The following ZEB1 variants were observed in gnomAD, a reference collection of about 807,000 sequenced individuals.
ZEB1 encodes the protein zinc finger E-box binding homeobox 1.
Under a neutral mutation model 84.9 loss-of-function variants are expected in ZEB1, and 21 were observed. The ratio of observed to expected loss-of-function variants is 0.25; its 90% confidence interval spans 0.18 to 0.36. The LOEUF is 0.36. Ranked by LOEUF, ZEB1 falls within the 10% of genes least tolerant of loss-of-function variation. ZEB1 has a pLI of 1.00. For synonymous variants in ZEB1, 420 were observed against 471.1 expected (o/e 0.89, Z 1.41); for missense variants, 1,104 against 1,330.2 (o/e 0.83, Z 2.65).
chr10:31,332,223 A>T (rs1011867125), intron 1 of ZEB1, among the ~76,000 whole-genome samples: 2 of 152,218 alleles, frequency 1.3e-5, no homozygotes, highest in African/African-American at 4.8e-5. Flanking sequence ...TACTAGAAGC[A>T]TAAGCAGCCT....
At chr10:31,399,147 A>G (rs1421344406) in intron 1 of ZEB1, among the ~76,000 whole-genome samples, 2 of 152,144 alleles carry the variant, frequency 1.3e-5, no homozygotes, top group African/African-American at 4.8e-5. Flanking sequence ...GGCGTGTGCC[A>G]GCACACCTGG....
chr10:31,488,226 A>G (rs779969095), intron 2 of ZEB1, among the ~76,000 whole-genome samples: 2 of 151,058 alleles, frequency 1.3e-5, no homozygotes, highest in Non-Finnish European at 3.0e-5. Context: ...TAGGAGGAAG[A>G]TTTTCTAATT....
intron 1 of ZEB1, among the ~76,000 whole-genome samples, chr10:31,446,180 C>T (rs1292611372): frequency 6.6e-6 from 1 of 152,180 alleles, no homozygotes; most frequent in Non-Finnish European, 1.5e-5. Flanking sequence ...TCCATCTCTC[C>T]TAGATTTTCT....
intron 1 of ZEB1, among the ~76,000 whole-genome samples, chr10:31,354,349 T>C (rs1193887862): frequency 6.6e-6 from 1 of 152,204 alleles, no homozygotes; most frequent in Admixed American, 6.5e-5. Flanking sequence ...TTAAAGAATA[T>C]GTTCATGCAT....
chr10:31,364,173 C>G (rs2134218276), intron 1 of ZEB1, among the ~76,000 whole-genome samples: 1 of 152,316 alleles, frequency 6.6e-6, no homozygotes, highest in African/African-American at 2.4e-5. Flanking sequence ...CACTATGGGG[C>G]TGGTGACAGA....
chr10:31,505,674 A>G (rs1344471180), intron 4 of ZEB1, among the ~76,000 whole-genome samples: 1 of 151,290 alleles, frequency 6.6e-6, no homozygotes, highest in Non-Finnish European at 1.5e-5. Flanking sequence ...GTGGTTTATC[A>G]GTTTTGTTAC....
At chr10:31,404,837 A>C (rs1024598303) in intron 1 of ZEB1, among the ~76,000 whole-genome samples, 1 of 152,096 alleles carries the variant, frequency 6.6e-6, no homozygotes, top group Non-Finnish European at 1.5e-5. Context: ...ACTTCAGAGG[A>C]AGTAAGTGTT....
At chr10:31,333,100 C>T (rs892803674) in intron 1 of ZEB1, among the ~76,000 whole-genome samples, 2 of 152,078 alleles carry the variant, frequency 1.3e-5, no homozygotes, top group African/African-American at 4.8e-5. Context: ...TTTTACTGTA[C>T]TAATTTCAAA....
chr10:31,480,775 A>G (rs1007798395), intron 2 of ZEB1, among the ~76,000 whole-genome samples: 1 of 152,086 alleles, frequency 6.6e-6, no homozygotes, highest in Non-Finnish European at 1.5e-5. Flanking sequence ...TACAGTGTGT[A>G]TAGGTCTTTT....
At chr10:31,369,189 T>G (rs2045215694) in intron 1 of ZEB1, among the ~76,000 whole-genome samples, 2 of 152,210 alleles carry the variant, frequency 1.3e-5, no homozygotes, top group African/African-American at 4.8e-5. Context: ...AATTAACATA[T>G]CTGTCACCTC....
chr10:31,346,246 G>A (rs1352993163), intron 1 of ZEB1, among the ~76,000 whole-genome samples: 1 of 152,122 alleles, frequency 6.6e-6, no homozygotes, highest in Non-Finnish European at 1.5e-5. Context: ...CCTATGAACA[G>A]AACTATAGGA....
At chr10:31,402,417 G>A (rs1045993668) in intron 1 of ZEB1, among the ~76,000 whole-genome samples, 10 of 152,086 alleles carry the variant, frequency 6.6e-5, no homozygotes, top group African/African-American at 2.4e-4. Context: ...AGCTGTATGA[G>A]TGGGAGGAGA....
intron 1 of ZEB1, among the ~76,000 whole-genome samples, chr10:31,402,190 T>C (rs985406705): frequency 9.9e-5 from 15 of 151,670 alleles, no homozygotes; most frequent in Non-Finnish European, 1.9e-4. Flanking sequence ...GAGGAGGACA[T>C]AGGAAAAGTG....
At position 31,408,662 on chromosome 10, in the gene ZEB1, T is replaced by G. The variant is rs1252806274; in HGVS notation, c.59-52375T>G. On this transcript the variant is annotated intron_variant, in intron 1 of 8. Coordinates refer to ENST00000424869, the MANE Select transcript of ZEB1 (RefSeq NM_001174096.2). ...AATGGGGAAAGGATTCCCTATTTAA[T>G]AAATGGTGCTGGGAAAACTGGCTAG... 9.0e-5 allele frequency among the ~76,000 whole-genome samples: 13 copies of G among 144,658 alleles called. No individual in the cohort carries two copies. The South Asian group carries it at 2.4e-3, about 27-fold the overall frequency. The allele number at this position is 144,658 out of a possible 152,430, so 94.9% of individuals were successfully genotyped here. A position where few individuals can be genotyped will look rare whatever the true frequency, so the allele number is the denominator to read the frequency against.
chr10:31,523,862 A>C, intron 7 of ZEB1, 71 bp from the exon 8 acceptor site: 2 of 1,539,756 alleles, frequency 1.3e-6, no homozygotes, highest in Non-Finnish European at 1.8e-6. Flanking sequence ...TCTTTATCTC[A>C]TGCTTTTATG....
chr10:31,437,665 T>C (rs917067505), intron 1 of ZEB1, among the ~76,000 whole-genome samples: 3 of 152,212 alleles, frequency 2.0e-5, no homozygotes, highest in Non-Finnish European at 4.4e-5. Context: ...TAAGCCTTAC[T>C]TAGATTACTA....
chr10:31,479,796 A>G (rs898424586), intron 2 of ZEB1, among the ~76,000 whole-genome samples: 14 of 151,978 alleles, frequency 9.2e-5, no homozygotes, highest in African/African-American at 3.4e-4. Context: ...ATATGGAAAA[A>G]GGAGTATTTT....
chr10:31,328,229 C>T (rs912534663), intron 1 of ZEB1, among the ~76,000 whole-genome samples: 2 of 152,074 alleles, frequency 1.3e-5, no homozygotes, highest in African/African-American at 2.4e-5. Flanking sequence ...TTTGAATACA[C>T]CCTTTCTTAA....
At chr10:31,412,250 A>G (rs186791800) in intron 1 of ZEB1, among the ~76,000 whole-genome samples, 125 of 152,326 alleles carry the variant, frequency 8.2e-4, no homozygotes, top group African/African-American at 2.9e-3. Context: ...TTTAAAATTG[A>G]TAAAATACAC....
Sources: gnomAD v4.1 joint callset for allele counts (sites outside exome capture counted in the v4.1 genomes callset) on GRCh38, gnomAD v4.1.1 for gene constraint, MANE v1.5 for transcripts, NCBI Gene and HGNC (gene_info 2026-07-23, HGNC 2026-07-21) for gene names.